Variants in FREM1 observed in about 807,000 individuals in gnomAD.
The protein encoded by FREM1 is FRAS1-related extracellular matrix protein 1.
FREM1 carries 220 observed loss-of-function variants against 210.1 expected under a neutral mutation model. That is an observed-to-expected ratio of 1.05 (90% CI 0.94 to 1.17). The LOEUF (loss-of-function observed/expected upper bound fraction) is 1.17. Ranked by LOEUF, FREM1 falls within the 50% of genes most tolerant of loss-of-function variation. FREM1 has a pLI of 0.00. For synonymous variants in FREM1, 1,189 were observed against 980.2 expected (o/e 1.21, Z -3.98); for missense variants, 3,454 against 2,675.5 (o/e 1.29, Z -6.42).
At chr9:14,908,152 T>C (rs936303698) in intron 1 of FREM1, among the ~76,000 whole-genome samples, 2 of 152,168 alleles carry the variant, frequency 1.3e-5, no homozygotes, top group African/African-American at 2.4e-5. Flanking sequence ...AATGCAAGGA[T>C]GGGGATGGAA....
Position 14,846,056 on chromosome 9 carries a change from T to C in FREM1, c.1297A>G (p.Thr433Ala). 1 of 1,598,108 alleles carries C rather than the reference T, an allele frequency of 6.3e-7. No individual in the cohort carries two copies. The highest frequency in any genetic ancestry group is 1.1e-5 in the South Asian group (1 of 88,610). ...SLLEGQSRAI[T>A]WEQFQVVDND... ...TCGACAACCTGAAACTGTTCCCAAG[T>C]GATGGCTCGAGACTGCCCCTCAAGG... The change falls in exon 8 of 37, where the codon ACT (threonine) becomes GCT (alanine). Residue 433 changes from threonine (T) to alanine (A), a missense_variant. Transcript: ENST00000380880.
chr9:14,774,286 T>A, intron 25 of FREM1: 2 of 416,580 alleles, frequency 4.8e-6, no homozygotes, highest in South Asian at 3.8e-5. Context: ...AGTAAAGAGA[T>A]CACCCTCCAT....
chr9:14,902,984 G>T (rs1237217114), intron 1 of FREM1, among the ~76,000 whole-genome samples: 2 of 152,118 alleles, frequency 1.3e-5, no homozygotes, highest in Non-Finnish European at 2.9e-5. Context: ...AACTCTTTGG[G>T]TACTATTTAA....
intron 5 of FREM1, among the ~76,000 whole-genome samples, chr9:14,852,601 G>C (rs1827982559): frequency 6.6e-6 from 1 of 152,208 alleles, no homozygotes. Context: ...GGCTGAAGCA[G>C]GAAGATCACT....
chr9:14,828,638 C>CGGGGGGGGGGGGG (rs67204004), intron 10 of FREM1, among the ~76,000 whole-genome samples: 2 of 74,910 alleles, frequency 2.7e-5, no homozygotes, highest in African/African-American at 1.2e-4. Flanking sequence ...TAAATTGTGG[C>CGGGGGGGGGGGGG]GGGGCGGGGG....
chr9:14,750,584 C>T (rs1265486093), intron 29 of FREM1, among the ~76,000 whole-genome samples: 2 of 152,176 alleles, frequency 1.3e-5, no homozygotes, highest in African/African-American at 4.8e-5. Context: ...CCCAACCTGT[C>T]CCTTCTCTTC....
At chr9:14,907,518 A>T (rs533440963) in intron 1 of FREM1, among the ~76,000 whole-genome samples, 1 of 152,190 alleles carries the variant, frequency 6.6e-6, no homozygotes, top group Non-Finnish European at 1.5e-5. Context: ...CCAGCTCTCC[A>T]AAGGAGTAGC....
At chr9:14,755,663 G>C (rs1027646134) in intron 29 of FREM1, among the ~76,000 whole-genome samples, 7 of 152,176 alleles carry the variant, frequency 4.6e-5, no homozygotes, top group African/African-American at 1.4e-4. Context: ...TTTTGTGTTA[G>C]TCCTTCATCC....
intron 11 of FREM1, 33 bp from the exon 12 acceptor site, chr9:14,824,148 A>G (rs764903778): frequency 2.2e-6 from 3 of 1,358,724 alleles, no homozygotes; most frequent in Non-Finnish European, 3.1e-6. Flanking sequence ...ACATCAGCTC[A>G]TTTTTAGGTA....
chr9:14,827,283 G>C lies in FREM1; in HGVS notation c.1882-2291C>G, dbSNP rs375252174. Among the ~76,000 whole-genome samples, 3 of 152,150 alleles carry C rather than the reference G, an allele frequency of 2.0e-5. No homozygotes were observed. In the East Asian group the frequency reaches 5.8e-4, roughly 29 times the overall value. ...TGATAAGGTCTTAGATGGAAATGAG[G>C]AATATCTTATTGGAAACTGGAAGAA... On this transcript the variant is annotated intron_variant, in intron 10 of 36. Transcript: ENST00000380880.
chr9:14,787,477 G>C (rs569948953), intron 23 of FREM1, among the ~76,000 whole-genome samples: 4 of 152,088 alleles, frequency 2.6e-5, no homozygotes, highest in African/African-American at 7.2e-5. Context: ...TTTCTTCCTG[G>C]GTGCAAAGCT....
chr9:14,746,663 G>T (rs961827513), intron 34 of FREM1, among the ~76,000 whole-genome samples, 195 bp from the exon 35 acceptor site: 1 of 152,192 alleles, frequency 6.6e-6, no homozygotes, highest in Non-Finnish European at 1.5e-5. Context: ...AGTCAGCAAC[G>T]TTTCATTGTT....
intron 23 of FREM1, among the ~76,000 whole-genome samples, chr9:14,784,975 G>C (rs928937907): frequency 2.0e-5 from 3 of 152,204 alleles, no homozygotes; most frequent in Admixed American, 6.5e-5. Context: ...TAGCTCAAGA[G>C]AGTCTTGCAT....
rs551107580 is a variant in FREM1 at position 14,873,581 on chromosome 9, G to C, written c.-267-4337C>G. On this transcript the variant is annotated intron_variant, in intron 1 of 36. Transcript: ENST00000380880. ...CTCTTTTCTTCATTAGTCTTGCTAG[G>C]GGTCTATCAATTTTGTTGATCCTTT... Among the ~76,000 whole-genome samples the C allele has an allele frequency of 6.6e-5, 10 of 151,512 alleles. No homozygotes were observed. In the East Asian group the frequency reaches 9.7e-4, roughly 15 times the overall value.
At chr9:14,740,028 G>C in intron 36 of FREM1, 121 bp downstream of exon 36, 1 of 535,788 alleles carries the variant, frequency 1.9e-6, no homozygotes, top group East Asian at 2.9e-5. Flanking sequence ...AGATCTATTG[G>C]TTGCCTATTA....
At chr9:14,829,226 G>A (rs1260301277) in intron 10 of FREM1, among the ~76,000 whole-genome samples, 2 of 152,146 alleles carry the variant, frequency 1.3e-5, no homozygotes, top group African/African-American at 4.8e-5. Context: ...TCATGCTAGA[G>A]GGTAAGGAGG....
At chr9:14,740,322 T>A in intron 35 of FREM1, 88 bp from the exon 36 acceptor site, 2 of 971,808 alleles carry the variant, frequency 2.1e-6, no homozygotes, top group Admixed American at 1.9e-5. Flanking sequence ...AAAGTAAGTT[T>A]AAAATACACA....
intron 27 of FREM1, among the ~76,000 whole-genome samples, chr9:14,763,199 A>C (rs1845812669): frequency 6.6e-6 from 1 of 152,152 alleles, no homozygotes; most frequent in Non-Finnish European, 1.5e-5. Flanking sequence ...GGACCAGACA[A>C]TTCTTTGTTG....
At chr9:14,844,908 C>A (rs1826316574) in intron 8 of FREM1, among the ~76,000 whole-genome samples, 1 of 152,234 alleles carries the variant, frequency 6.6e-6, no homozygotes, top group African/African-American at 2.4e-5. Flanking sequence ...AGCCACTACA[C>A]TTGGATTTCT....
Sources: gnomAD v4.1 joint callset for allele counts (sites outside exome capture counted in the v4.1 genomes callset) on GRCh38, gnomAD v4.1.1 for gene constraint, MANE v1.5 for transcripts, NCBI Gene and HGNC (gene_info 2026-07-23, HGNC 2026-07-21) for gene names.